Variants in OPCML observed in about 807,000 individuals in gnomAD.
The protein encoded by OPCML is opioid binding protein/cell adhesion molecule like, also known as opioid-binding protein/cell adhesion molecule.
Under a neutral mutation model 37.8 loss-of-function variants are expected in OPCML, and 13 were observed. The observed-to-expected ratio is 0.34, with a 90% CI of 0.22 to 0.55. OPCML has a LOEUF of 0.55. Ranked by LOEUF, OPCML falls within the 20% of genes least tolerant of loss-of-function variation. The pLI is 0.91. For missense variants in OPCML, 341 were observed against 435.6 expected (o/e 0.78, Z 1.93); for synonymous variants, 176 against 168.8 (o/e 1.04, Z -0.33).
chr11:132,606,168 T>G (rs1393108685), intron 3 of OPCML, among the ~76,000 whole-genome samples: 1 of 152,214 alleles, frequency 6.6e-6, no homozygotes, highest in Non-Finnish European at 1.5e-5. Context: ...CATTAAAAGT[T>G]AATGCCTTTA....
chr11:133,103,367 A>T (rs955398390), intron 1 of OPCML, among the ~76,000 whole-genome samples: 7 of 152,196 alleles, frequency 4.6e-5, no homozygotes, highest in African/African-American at 1.7e-4. Flanking sequence ...AAAATCTAAA[A>T]TATGTCCCCA....
chr11:133,295,108 G>A (rs1047597633), intron 1 of OPCML, among the ~76,000 whole-genome samples: 2 of 152,044 alleles, frequency 1.3e-5, no homozygotes, highest in African/African-American at 4.8e-5. Flanking sequence ...ACAGGCATGA[G>A]CCACCACACC....
intron 1 of OPCML, among the ~76,000 whole-genome samples, chr11:133,426,250 A>T (rs1341057111): frequency 1.3e-5 from 2 of 152,176 alleles, no homozygotes; most frequent in Admixed American, 6.5e-5. Flanking sequence ...TACAGTGCTG[A>T]CTGAATATAC....
intron 1 of OPCML, among the ~76,000 whole-genome samples, chr11:133,180,099 G>A (rs1217100741): frequency 6.6e-6 from 1 of 152,202 alleles, no homozygotes; most frequent in African/African-American, 2.4e-5. Context: ...TGTGAGTGAT[G>A]AGCACTGCTC....
chr11:132,992,764 T>TTC (rs1156978424), intron 1 of OPCML, among the ~76,000 whole-genome samples: 1 of 152,000 alleles, frequency 6.6e-6, no homozygotes, highest in African/African-American at 2.4e-5. Context: ...CCCTTTGGGG[T>TTC]TCTATCAGAA....
At chr11:132,534,730 C>T (rs1196343406) in intron 3 of OPCML, among the ~76,000 whole-genome samples, 2 of 152,116 alleles carry the variant, frequency 1.3e-5, no homozygotes, top group African/African-American at 2.4e-5. Flanking sequence ...GGCTCCTCAT[C>T]TGTACAATGG....
At chr11:133,159,568 A>G (rs1950113948) in intron 1 of OPCML, among the ~76,000 whole-genome samples, 1 of 152,240 alleles carries the variant, frequency 6.6e-6, no homozygotes. Flanking sequence ...TACTGCCCAA[A>G]TTTCAATGAC....
At chr11:132,816,824 G>A (rs959952237) in intron 2 of OPCML, among the ~76,000 whole-genome samples, 1 of 152,134 alleles carries the variant, frequency 6.6e-6, no homozygotes, top group African/African-American at 2.4e-5. Context: ...AAAATCAGTT[G>A]TACAAGAGGG....
chr11:132,948,402 G>T (rs1945791428), intron 1 of OPCML, among the ~76,000 whole-genome samples: 1 of 152,184 alleles, frequency 6.6e-6, no homozygotes, highest in Non-Finnish European at 1.5e-5. Context: ...AATATTTCTG[G>T]CAGGCTCTGT....
At chr11:132,875,437 C>A (rs1442341768) in intron 2 of OPCML, among the ~76,000 whole-genome samples, 1 of 151,870 alleles carries the variant, frequency 6.6e-6, no homozygotes, top group African/African-American at 2.4e-5. Context: ...ATGTATCCAT[C>A]CATCTGCCAA....
At chr11:133,432,639 C>G (rs1316091742) in intron 1 of OPCML, among the ~76,000 whole-genome samples, 1 of 152,136 alleles carries the variant, frequency 6.6e-6, no homozygotes, top group African/African-American at 2.4e-5. Context: ...TCCCTTTCTT[C>G]TTCTGGAACT....
chr11:132,750,994 C>A (rs1591555192), intron 2 of OPCML, among the ~76,000 whole-genome samples: 1 of 152,134 alleles, frequency 6.6e-6, no homozygotes, highest in Non-Finnish European at 1.5e-5. Context: ...GCTGCAGCAA[C>A]TCACAAGTTG....
At chr11:132,758,337 G>T (rs1243648568) in intron 2 of OPCML, among the ~76,000 whole-genome samples, 1 of 152,160 alleles carries the variant, frequency 6.6e-6, no homozygotes, top group Non-Finnish European at 1.5e-5. Flanking sequence ...CTAATTCTGT[G>T]AAGAAAGTCA....
chr11:132,937,465 TC>T (rs1945414335), intron 2 of OPCML, among the ~76,000 whole-genome samples: 1 of 150,468 alleles, frequency 6.6e-6, no homozygotes, highest in African/African-American at 2.4e-5. Context: ...ACAGCCTGCT[TC>T]AAACAGGGGG....
intron 1 of OPCML, among the ~76,000 whole-genome samples, chr11:133,040,227 C>T (rs760029043): frequency 2.0e-5 from 3 of 152,042 alleles, no homozygotes; most frequent in Non-Finnish European, 4.4e-5. Flanking sequence ...ATATTTTCAC[C>T]TCTGGAATGC....
chr11:132,463,407 T>G (rs1195485496), intron 4 of OPCML, among the ~76,000 whole-genome samples: 2 of 152,154 alleles, frequency 1.3e-5, no homozygotes, highest in Admixed American at 1.3e-4. Context: ...GAAACTCTAG[T>G]GTAGTCCTCA....
At chr11:132,901,990 C>T (rs547810204) in intron 2 of OPCML, among the ~76,000 whole-genome samples, 7 of 152,268 alleles carry the variant, frequency 4.6e-5, no homozygotes, top group East Asian at 3.9e-4. Flanking sequence ...CCGGTGTTTG[C>T]GTCATGGGGC....
At chr11:132,981,040 T>C (rs1213365921) in intron 1 of OPCML, among the ~76,000 whole-genome samples, 1 of 152,334 alleles carries the variant, frequency 6.6e-6, no homozygotes, top group Non-Finnish European at 1.5e-5. Context: ...ATGGTAAGTA[T>C]TTCTGCCTCT....
chr11:133,343,985 G>A (rs1238506253), intron 1 of OPCML, among the ~76,000 whole-genome samples: 1 of 152,236 alleles, frequency 6.6e-6, no homozygotes, highest in Non-Finnish European at 1.5e-5. Context: ...TGCCAGAGCA[G>A]CCTGTGATGA....
Sources: gnomAD v4.1 joint callset for allele counts (sites outside exome capture counted in the v4.1 genomes callset) on GRCh38, gnomAD v4.1.1 for gene constraint, MANE v1.5 for transcripts, NCBI Gene and HGNC (gene_info 2026-07-23, HGNC 2026-07-21) for gene names.